The following SORCS2 variants were observed in gnomAD, a reference collection of about 807,000 sequenced individuals.
SORCS2 encodes sortilin related VPS10 domain containing receptor 2.
SORCS2 carries 100 observed loss-of-function variants against 141.6 expected under a neutral mutation model. That is an observed-to-expected ratio of 0.71 (90% CI 0.60 to 0.83). The LOEUF (loss-of-function observed/expected upper bound fraction) is 0.83, where lower values mean the gene tolerates loss of function less well. Among genes scored for constraint, SORCS2 ranks in the 40% least tolerant of loss-of-function variants. The pLI is 0.00. For synonymous variants in SORCS2, 789 were observed against 676.9 expected, an observed-to-expected ratio of 1.17 and a Z score of -2.57; for missense variants, 1,646 against 1,560.2, an observed-to-expected ratio of 1.05 and a Z score of -0.93.
chr4:7,656,205 C>G (rs532867689), intron 5 of SORCS2, among the ~76,000 whole-genome samples: 1 of 152,368 alleles, frequency 6.6e-6, no homozygotes, highest in South Asian at 2.1e-4. Flanking sequence ...TGAAGCTACA[C>G]AGCAAGCAAG....
chr4:7,664,619 C>T lies in SORCS2; in HGVS notation c.1071+148C>T, dbSNP rs954590859. The T allele has an allele frequency of 3.2e-5, 20 of 629,574 alleles. No individual in the cohort carries two copies. Among genetic ancestry groups the T allele is most frequent in the African/African-American group, 2.6e-4 (14 of 53,918 alleles). 39.0% of individuals were successfully genotyped at this position (629,574 alleles called of 1,614,324 possible). On this transcript the variant is annotated intron_variant, in intron 7 of 26. Transcript: ENST00000507866. This position sits in a 1 kb window ranked among gnomAD's most constrained non-coding sequence, Gnocchi z 4.7. ...TACTTCGCAGGTCACGGTTTCTGAC[C>T]GTGGCTGTGGCTGCAGCCATCCACA...
chr4:7,625,572 G>A lies in SORCS2; in HGVS notation c.649-12756G>A, dbSNP rs117106190. The stretch of plus-strand genomic sequence containing the variant: ...ACTGGTACCCATGCCAAGGAGGTAG[G>A]TGCAGGAGCCGGGTTGCATGGAGAT... On this transcript the variant is annotated intron_variant, in intron 3 of 26. Transcript: ENST00000507866. Among the ~76,000 whole-genome samples, 72 of 151,980 alleles carry A rather than the reference G, an allele frequency of 4.7e-4. 2 individuals are homozygous for A. The East Asian group carries it at 0.011, about 22-fold the overall frequency.
intron 1 of SORCS2, among the ~76,000 whole-genome samples, chr4:7,296,416 G>A (rs1577368142): frequency 6.6e-6 from 1 of 152,208 alleles, no homozygotes; most frequent in Admixed American, 6.5e-5. Flanking sequence ...CCTCTCCGTA[G>A]ACCCTGAGGT....
chr4:7,275,127 G>A (rs998074491), intron 1 of SORCS2, among the ~76,000 whole-genome samples: 8 of 152,166 alleles, frequency 5.3e-5, no homozygotes, highest in African/African-American at 9.7e-5. Context: ...GGGCATCTTC[G>A]TGGTTGCCAA....
intron 1 of SORCS2, among the ~76,000 whole-genome samples, chr4:7,297,253 C>T (rs941279815): frequency 2.0e-5 from 3 of 152,206 alleles, no homozygotes; most frequent in South Asian, 2.1e-4. Context: ...GGTTCCACAC[C>T]GTGCTCAGAG....
At chr4:7,698,372 T>C (rs1206858845) in intron 12 of SORCS2, among the ~76,000 whole-genome samples, 1 of 152,240 alleles carries the variant, frequency 6.6e-6, no homozygotes, top group Non-Finnish European at 1.5e-5. Flanking sequence ...AGGCTTCACC[T>C]GCAGCCTGGG....
chr4:7,348,626 A>G (rs1333521377), intron 1 of SORCS2, among the ~76,000 whole-genome samples: 2 of 152,150 alleles, frequency 1.3e-5, no homozygotes, highest in African/African-American at 4.8e-5. Flanking sequence ...ATCTCGGCTC[A>G]CTGCAACCTC....
intron 2 of SORCS2, among the ~76,000 whole-genome samples, chr4:7,417,870 G>A (rs1269861147): frequency 6.6e-6 from 1 of 152,230 alleles, no homozygotes; most frequent in Non-Finnish European, 1.5e-5. Context: ...GGCACATGAA[G>A]GGTGAGGGGG....
chr4:7,656,300 G>A (rs529055974), intron 5 of SORCS2, among the ~76,000 whole-genome samples: 66 of 151,694 alleles, frequency 4.4e-4, no homozygotes, highest in Non-Finnish European at 8.5e-4. Context: ...GCGGGTACCC[G>A]CCCCCCACCC....
intron 5 of SORCS2, among the ~76,000 whole-genome samples, chr4:7,656,765 T>G (rs1721803974): frequency 6.6e-6 from 1 of 152,130 alleles, no homozygotes. Context: ...GTGCAGGGCA[T>G]GGGGGTGGCA....
At chr4:7,579,812 A>G (rs1364258450) in intron 3 of SORCS2, among the ~76,000 whole-genome samples, 1 of 152,178 alleles carries the variant, frequency 6.6e-6, no homozygotes, top group Non-Finnish European at 1.5e-5. Context: ...TAGCACGTCA[A>G]GACACACAAT....
rs771430042 is a variant in SORCS2 at position 7,737,153 on chromosome 4, C to T, written c.3396C>T (p.Asp1132=). The change falls in exon 26 of 27, where the codon GAC becomes GAT. Residue 1132 remains aspartate, a synonymous_variant. Transcript: ENST00000507866. ...CCAGCCCTGTGAGTCACAGTGAGGA[C>T]GTCCAGGGCGCTGTCCAGGGTGAGG... The part of the protein sequence containing the change: ...EMTSPVSHSE[D]VQGAVQGNHS... 4.5e-5 allele frequency: 70 copies of T among 1,551,208 alleles called. No homozygotes were observed. Among genetic ancestry groups the T allele is most frequent in the South Asian group, 5.9e-5 (5 of 84,058 alleles).
chr4:7,295,174 C>G (rs930094010), intron 1 of SORCS2, among the ~76,000 whole-genome samples: 1 of 74,422 alleles, frequency 1.3e-5, no homozygotes, highest in Non-Finnish European at 2.7e-5. Context: ...TTTTCTCCCC[C>G]CTCTAGCCCC....
chr4:7,412,866 C>T (rs1320564846), intron 2 of SORCS2, among the ~76,000 whole-genome samples: 1 of 152,142 alleles, frequency 6.6e-6, no homozygotes, highest in Non-Finnish European at 1.5e-5. Context: ...GCCTCCGCCA[C>T]AGCCCCCATC....
intron 16 of SORCS2, 32 bp from the exon 17 acceptor site, chr4:7,715,151 C>T (rs530248189): frequency 5.2e-5 from 84 of 1,609,154 alleles, no homozygotes; most frequent in Non-Finnish European, 6.2e-5. Context: ...CACCTGTGCC[C>T]GTCACTTACC....
Position 7,726,887 on chromosome 4 carries a change from G to C in SORCS2, c.2853G>C (p.Arg951Ser). The change falls in exon 21 of 27, where the codon AGG becomes AGC. Residue 951 changes from arginine to serine, a missense_variant. Coordinates refer to ENST00000507866, the MANE Select transcript of SORCS2 (RefSeq NM_020777.3). ...ACGNSVLQDS[R>S]VLRVLDQFQV... ...GGAACTCGGTGCTGCAGGACTCCAG[G>C]GTCCTCCGTGTGCTGGGTAAGTACT... 6.2e-7 allele frequency: 1 copy of C among 1,613,566 alleles called. No homozygotes were observed. Among genetic ancestry groups the C allele is most frequent in the Non-Finnish European group, 8.5e-7 (1 of 1,179,660 alleles).
At chr4:7,221,282 A>C (rs1219682455) in intron 1 of SORCS2, among the ~76,000 whole-genome samples, 1 of 152,196 alleles carries the variant, frequency 6.6e-6, no homozygotes, top group African/African-American at 2.4e-5. Flanking sequence ...TAAAGGTGAG[A>C]TGGGAGCTCG....
At chr4:7,351,386 C>T (rs1051523240) in intron 1 of SORCS2, among the ~76,000 whole-genome samples, 1 of 152,192 alleles carries the variant, frequency 6.6e-6, no homozygotes, top group African/African-American at 2.4e-5. Context: ...CTTGCCTGTT[C>T]TCTGCTCTCC....
chr4:7,409,475 G>A (rs536894761), intron 2 of SORCS2, among the ~76,000 whole-genome samples: 2 of 152,292 alleles, frequency 1.3e-5, no homozygotes, highest in East Asian at 1.9e-4. Flanking sequence ...GAGTTTTCAC[G>A]GCTGGGCTTG....
Sources: gnomAD v4.1 joint callset for allele counts (sites outside exome capture counted in the v4.1 genomes callset) on GRCh38, gnomAD v4.1.1 for gene constraint, Gnocchi (gnomAD v3.1) non-coding constraint, MANE v1.5 for transcripts, NCBI Gene and HGNC (gene_info 2026-07-23, HGNC 2026-07-21) for gene names.